Variants in MYZAP observed in about 807,000 individuals in gnomAD.
MYZAP encodes myocardial zonula adherens protein.
MYZAP carries 66 observed loss-of-function variants against 69.4 expected under a neutral mutation model. The observed-to-expected ratio is 0.95, with a 90% CI of 0.78 to 1.17. The LOEUF is 1.17. MYZAP is among the 50% of genes most tolerant of loss of function. The pLI, the probability that MYZAP is intolerant of heterozygous loss-of-function variation, is 0.00. For synonymous variants in MYZAP, 256 were observed against 205.9 expected, an observed-to-expected ratio of 1.24 and a Z score of -2.09; for missense variants, 611 against 556.2, an observed-to-expected ratio of 1.10 and a Z score of -0.99.
rs1172761785 is a variant in MYZAP, at chr15:57,593,214, A to ACACACACACACCCCCC, written c.75+1106_75+1107insACACACACACCCCCCC. 4.9e-5 allele frequency among the ~76,000 whole-genome samples: 7 copies of ACACACACACACCCCCC among 141,436 alleles called. 1 individual carries two copies. Among genetic ancestry groups the ACACACACACACCCCCC allele is most frequent in the African/African-American group, 1.7e-4 (6 of 35,870 alleles). 92.8% of individuals were successfully genotyped at this position (141,436 alleles called of 152,430 possible). A position where few individuals can be genotyped will look rare whatever the true frequency, so the allele number is the denominator to read the frequency against. On this transcript the variant is annotated intron_variant, in intron 1 of 12. Coordinates refer to ENST00000267853, the MANE Select transcript of MYZAP (RefSeq NM_001018100.5). ...CACACACACACACACACACACACAC[A>ACACACACACACCCCCC]CCCCAGAATCCATCAGTTGGCTCAT...
At chr15:57,680,442 G>A (rs560908858) in intron 12 of MYZAP, among the ~76,000 whole-genome samples, 2 of 151,952 alleles carry the variant, frequency 1.3e-5, no homozygotes, top group African/African-American at 4.8e-5. Flanking sequence ...AAGAGAGAGG[G>A]AAAGGGAAGG....
intron 10 of MYZAP, chr15:57,647,672 G>A (rs2037510716): frequency 1.0e-6 from 1 of 985,386 alleles, no homozygotes. Context: ...TAGTGAGTGA[G>A]GTTCCTAGAG....
chr15:57,608,106 G>A (rs534916808), intron 2 of MYZAP, among the ~76,000 whole-genome samples: 2 of 152,318 alleles, frequency 1.3e-5, no homozygotes, highest in Admixed American at 1.3e-4. Flanking sequence ...GTTGTAAATG[G>A]CCCGATTGAC....
At chr15:57,624,104 A>C (rs149052107) in intron 4 of MYZAP, among the ~76,000 whole-genome samples, 9 of 152,234 alleles carry the variant, frequency 5.9e-5, no homozygotes, top group Admixed American at 4.6e-4. Context: ...TGTTTGCACC[A>C]TGTGAGTGTA....
intron 3 of MYZAP, among the ~76,000 whole-genome samples, chr15:57,620,267 A>T (rs1221840118): frequency 1.3e-5 from 2 of 152,212 alleles, no homozygotes; most frequent in East Asian, 1.9e-4. Flanking sequence ...AATATCCAGT[A>T]ACCCCTAATA....
chr15:57,645,118 A>G (rs769305992), intron 10 of MYZAP, among the ~76,000 whole-genome samples: 7 of 152,228 alleles, frequency 4.6e-5, no homozygotes, highest in Non-Finnish European at 8.8e-5. Flanking sequence ...TCTTGGTTAA[A>G]TAATTATATT....
chr15:57,659,089 A>G (rs1271158036), intron 10 of MYZAP, among the ~76,000 whole-genome samples: 2 of 152,206 alleles, frequency 1.3e-5, no homozygotes, highest in African/African-American at 2.4e-5. Context: ...TTCTAAAGAC[A>G]TATAATAGTC....
intron 8 of MYZAP, among the ~76,000 whole-genome samples, chr15:57,634,654 G>A (rs578044678): frequency 2.6e-5 from 4 of 152,340 alleles, no homozygotes; most frequent in Middle Eastern, 3.4e-3. Flanking sequence ...CTCATAAGGC[G>A]AGGTGTCGCC....
Position 57,639,466 on chromosome 15 carries a change from C to T in MYZAP, c.1040C>T (p.Ala347Val), listed in dbSNP as rs1343565873. 2 of 1,614,072 alleles carry T rather than the reference C, an allele frequency of 1.2e-6. No individual in the cohort carries two copies. The highest frequency in any genetic ancestry group is 1.7e-6 in the Non-Finnish European group (2 of 1,179,974). The change falls in exon 10 of 13, where the codon GCC becomes GTC. Residue 347 changes from alanine (A) to valine (V), a missense_variant. Physicochemically the swap from Ala to Val is moderately conservative, Grantham distance 64 (BLOSUM62 0). Coordinates refer to ENST00000267853, the MANE Select transcript of MYZAP (RefSeq NM_001018100.5). ...TATCAGCAGTTGGAGGAGGCATCAG[C>T]CAGCCTCCGTGAGCGGATCAGACAC... ...ERYQQLEEAS[A>V]SLRERIRHLD... is the part of the protein sequence containing the mutation.
intron 12 of MYZAP, chr15:57,680,565 GAT>G (rs1325075821): frequency 1.3e-5 from 2 of 151,818 alleles, no homozygotes; most frequent in African/African-American, 4.8e-5. Context: ...TGAAAACTTT[GAT>G]ATATGTTAAT....
chr15:57,677,209 T>C (rs1174364523), intron 12 of MYZAP, among the ~76,000 whole-genome samples: 1 of 152,216 alleles, frequency 6.6e-6, no homozygotes, highest in East Asian at 1.9e-4. Context: ...GGAGGGTTAG[T>C]GAGCGGCTGG....
intron 1 of MYZAP, among the ~76,000 whole-genome samples, chr15:57,603,398 C>A (rs2034539889): frequency 6.6e-6 from 1 of 152,088 alleles, no homozygotes; most frequent in Admixed American, 6.5e-5. Context: ...TTAAGTGCAT[C>A]CACACTGTTG....
At chr15:57,658,384 A>G (rs984208901) in intron 10 of MYZAP, among the ~76,000 whole-genome samples, 1 of 152,198 alleles carries the variant, frequency 6.6e-6, no homozygotes, top group Non-Finnish European at 1.5e-5. Context: ...CCTTGCTATT[A>G]TTTAATACCA....
At chr15:57,629,305 A>G (rs533889577) in intron 5 of MYZAP, among the ~76,000 whole-genome samples, 2 of 152,264 alleles carry the variant, frequency 1.3e-5, no homozygotes, top group East Asian at 3.9e-4. Context: ...ATTTGAACCA[A>G]TGCTTATACA....
At chr15:57,650,042 A>G (rs1337989448) in intron 10 of MYZAP, among the ~76,000 whole-genome samples, 1 of 152,178 alleles carries the variant, frequency 6.6e-6, no homozygotes, top group African/African-American at 2.4e-5. Context: ...TGCTCAATAA[A>G]TATTTGTTGG....
intron 12 of MYZAP, among the ~76,000 whole-genome samples, chr15:57,679,340 T>TTGTGTGTGTG (rs34683334): frequency 5.6e-5 from 7 of 125,606 alleles, no homozygotes; most frequent in South Asian, 3.1e-4. Flanking sequence ...TTTCACCTCT[T>TTGTGTGTGTG]TGTGTGTGTG....
chr15:57,650,962 G>C (rs769555209), intron 10 of MYZAP, among the ~76,000 whole-genome samples: 1 of 152,210 alleles, frequency 6.6e-6, no homozygotes, highest in Admixed American at 6.5e-5. Flanking sequence ...TGGTTTATTA[G>C]CACCAAGCCA....
rs2036180184 is a variant in MYZAP at position 57,627,091 on chromosome 15, C to T, written c.525+1199C>T. ...CCCAGCCCACCAGCAAGGGCTTTAT[C>T]TCACCTGAGTTCAGACTTAGTCGGT... On this transcript the variant is annotated intron_variant, in intron 5 of 12. Coordinates refer to ENST00000267853, the MANE Select transcript of MYZAP (RefSeq NM_001018100.5). 2.0e-5 allele frequency among the ~76,000 whole-genome samples: 3 copies of T among 152,296 alleles called. No homozygotes were observed. The East Asian group carries it at 5.8e-4, about 29-fold the overall frequency.
At chr15:57,593,190 A>ATGCGCGCGCGCGCGCGCGCGCGCACACC (rs376306761) in intron 1 of MYZAP, among the ~76,000 whole-genome samples, 1 of 108,256 alleles carries the variant, frequency 9.2e-6, no homozygotes, top group Non-Finnish European at 1.9e-5. Flanking sequence ...ACACAGGCGC[A>ATGCGCGCGCGCGCGCGCGCGCGCACACC]CACACACACA....
Sources: allele counts gnomAD v4.1 joint callset (sites outside exome capture counted in the v4.1 genomes callset), GRCh38; gene constraint gnomAD v4.1.1; transcripts MANE v1.5; gene names NCBI Gene and HGNC (gene_info 2026-07-23, HGNC 2026-07-21).